Variants in AREL1 observed in about 807,000 individuals in gnomAD.
AREL1 encodes apoptosis-resistant E3 ubiquitin protein ligase 1.
AREL1 carries 62 observed loss-of-function variants against 99.0 expected under a neutral mutation model. The ratio of observed to expected loss-of-function variants is 0.63; its 90% CI spans 0.51 to 0.77. The LOEUF (loss-of-function observed/expected upper bound fraction) is 0.77. Among genes scored for constraint, AREL1 ranks in the 30% least tolerant of loss-of-function variants. The probability of loss-of-function intolerance (pLI) is 0.00; values close to 1 mark genes in which losing one functional copy is unlikely to be tolerated. For missense variants in AREL1, 879 were observed against 1,027.6 expected (o/e 0.86, Z 1.98); for synonymous variants, 380 against 376.5 (o/e 1.01, Z -0.11).
intron 1 of AREL1, chr14:74,711,914 T>C (rs1437932064): frequency 6.6e-6 from 1 of 151,620 alleles, no homozygotes; most frequent in African/African-American, 2.4e-5. Context: ...TCACCTTCTT[T>C]TTTAAACCTG....
chr14:74,670,314 AG>A (rs1566680346), intron 13 of AREL1, among the ~76,000 whole-genome samples, 188 bp from the exon 14 acceptor site: 1 of 152,206 alleles, frequency 6.6e-6, no homozygotes, highest in Non-Finnish European at 1.5e-5. Context: ...TAAAGGGCAA[AG>A]GTGGACATAA....
intron 1 of AREL1, among the ~76,000 whole-genome samples, chr14:74,695,079 T>C (rs1214844721): frequency 6.7e-6 from 1 of 150,194 alleles, no homozygotes; most frequent in Non-Finnish European, 1.5e-5. Context: ...CTTCTTTTTT[T>C]TTTTTTTTTT....
chr14:74,665,301 A>C (rs1445009798), intron 17 of AREL1, among the ~76,000 whole-genome samples: 6 of 142,664 alleles, frequency 4.2e-5, no homozygotes, highest in African/African-American at 1.6e-4. Flanking sequence ...ACGGAGTCTC[A>C]CTGTCTCGGC....
chr14:74,712,696 T>A (rs1231483847), intron 1 of AREL1, among the ~76,000 whole-genome samples: 2 of 151,688 alleles, frequency 1.3e-5, no homozygotes, highest in Admixed American at 6.6e-5. Context: ...AGAACAATCA[T>A]CCACCTAGCT....
Position 74,663,303 on chromosome 14 carries a change from T to G in AREL1, c.*417A>C. 4.0e-6 allele frequency: 1 copy of G among 249,526 alleles called. No homozygotes were observed. 15.5% of individuals were successfully genotyped at this position (249,526 alleles called of 1,614,324 possible). A position where few individuals can be genotyped will look rare whatever the true frequency, so the allele number is the denominator to read the frequency against. ...GGACTCAAGTACCAGTCTGGTCAAG[T>G]AGTGAGGGCCAAAGAGGGTGTCTCC... On this transcript the variant is annotated 3_prime_UTR_variant, in exon 20 of 20. Transcript: ENST00000356357.
intron 1 of AREL1, among the ~76,000 whole-genome samples, chr14:74,701,266 A>G (rs2090080236): frequency 6.6e-6 from 1 of 152,226 alleles, no homozygotes; most frequent in African/African-American, 2.4e-5. Flanking sequence ...CATGAAAAAA[A>G]AGATATATTA....
At chr14:74,679,664 T>C (rs768488831) in intron 5 of AREL1, among the ~76,000 whole-genome samples, 7 of 151,292 alleles carry the variant, frequency 4.6e-5, no homozygotes, top group Middle Eastern at 3.2e-3. Flanking sequence ...CCATCTCTAC[T>C]AAAAACACAA....
chr14:74,697,855 C>T (rs145102880), intron 1 of AREL1, among the ~76,000 whole-genome samples: 3 of 152,280 alleles, frequency 2.0e-5, no homozygotes, highest in African/African-American at 7.2e-5. Flanking sequence ...ATCTACTGTG[C>T]TGCCGTATTA....
chr14:74,678,393 G>C (rs1045239132), intron 5 of AREL1: 1 of 302,212 alleles, frequency 3.3e-6, no homozygotes, highest in Admixed American at 4.9e-5. Flanking sequence ...AGCTACTCGG[G>C]AGGTTGAGGC....
At position 74,672,955 on chromosome 14, in the gene AREL1, G is replaced by C. The variant is rs1380365764; in HGVS notation, c.1301-3C>G. On this transcript the variant is annotated splice_region_variant and splice_polypyrimidine_tract_variant and intron_variant, in intron 10 of 19. Coordinates refer to ENST00000356357, the MANE Select transcript of AREL1 (RefSeq NM_001039479.2). ...GTCCTGAAAGGTCTCAGAGCCTCCT[G>C]GGGAACAGCAAGATCCATCATTACA... 31 of 1,614,128 alleles carry C rather than the reference G, an allele frequency of 1.9e-5. No homozygotes were observed. Among genetic ancestry groups the C allele is most frequent in the Non-Finnish European group, 2.5e-5 (29 of 1,180,010 alleles).
At position 74,676,324 on chromosome 14, in the gene AREL1, A is replaced by G. The variant is rs200250433; in HGVS notation, c.652-3T>C. The G allele has an allele frequency of 3.9e-4, 634 of 1,613,754 alleles. No individual in the cohort carries two copies. The highest frequency in any genetic ancestry group is 3.6e-3 in the Middle Eastern group (22 of 6,056). On this transcript the variant is annotated splice_region_variant and splice_polypyrimidine_tract_variant and intron_variant, in intron 6 of 19. Coordinates refer to ENST00000356357, the MANE Select transcript of AREL1 (RefSeq NM_001039479.2). The stretch of plus-strand genomic sequence containing the variant: ...CTCTCTTCTTCTTGAGGGCCGAGCT[A>G]TAGGAAGGCAACAGAGCATCACTTA...
intron 5 of AREL1, among the ~76,000 whole-genome samples, chr14:74,683,038 G>A (rs2089665659): frequency 6.6e-6 from 1 of 152,194 alleles, no homozygotes; most frequent in African/African-American, 2.4e-5. Flanking sequence ...ATGAGTGGCT[G>A]CCTAGGTCTG....
In AREL1 at chr14:74,673,579, G is replaced by C. The variant is rs1488370834; in HGVS notation, c.1159-361C>G. Among the ~76,000 whole-genome samples, 6 of 152,318 alleles carry C rather than the reference G, an allele frequency of 3.9e-5. No homozygotes were observed. In the East Asian group the frequency reaches 1.2e-3, roughly 29 times the overall value. ...ATAAATGACTACTCCAAACTGATCAGAAGAAAACTATTTTTATAAAATGGC... is the reference window on the plus strand; with the variant it reads ...ATAAATGACTACTCCAAACTGATCACAAGAAAACTATTTTTATAAAATGGC... On this transcript the variant is annotated intron_variant, in intron 9 of 19. Transcript: ENST00000356357.
chr14:74,683,177 G>C, intron 5 of AREL1, 119 bp downstream of exon 5: 1 of 740,724 alleles, frequency 1.4e-6, no homozygotes, highest in Non-Finnish European at 2.2e-6. Context: ...TTAAAAGGAT[G>C]AATTTTATGG....
chr14:74,705,706 G>C (rs1164942938), intron 1 of AREL1, among the ~76,000 whole-genome samples: 1 of 152,188 alleles, frequency 6.6e-6, no homozygotes, highest in Non-Finnish European at 1.5e-5. Flanking sequence ...TAAAGGTTAA[G>C]CTAACCAAGA....
Position 74,672,736 on chromosome 14 carries a change from CAAACAA to C in AREL1, c.1422+89_1422+94del, listed in dbSNP as rs138398700. 2.2e-5 allele frequency: 34 copies of C among 1,550,842 alleles called. No individual in the cohort carries two copies. The East Asian group carries it at 2.7e-4, about 12-fold the overall frequency. ...GGCAATAGAGTGAGACCCTATCTCCCAAACAAAAACAAAAACAAAAACAGTAACCTG... is the reference window on the plus strand; with the variant it reads ...GGCAATAGAGTGAGACCCTATCTCCCAAACAAAAACAAAAACAGTAACCTG... On this transcript the variant is annotated intron_variant, in intron 11 of 19. Transcript: ENST00000356357.
At chr14:74,665,364 C>T (rs1181192414) in intron 17 of AREL1, among the ~76,000 whole-genome samples, 5 of 151,434 alleles carry the variant, frequency 3.3e-5, no homozygotes, top group Non-Finnish European at 5.9e-5. Context: ...TCTCCTGCCT[C>T]GGCCTCCTGA....
chr14:74,697,173 C>T (rs1256531715), intron 1 of AREL1, among the ~76,000 whole-genome samples: 1 of 151,918 alleles, frequency 6.6e-6, no homozygotes, highest in Non-Finnish European at 1.5e-5. Flanking sequence ...CACACACACA[C>T]ACAGCCATGA....
At chr14:74,705,145 T>A (rs538748441) in intron 1 of AREL1, among the ~76,000 whole-genome samples, 3 of 152,174 alleles carry the variant, frequency 2.0e-5, no homozygotes, top group South Asian at 4.2e-4. Context: ...GTTCAAGCGA[T>A]TCTCCTGCCT....
Sources: allele counts gnomAD v4.1 joint callset (sites outside exome capture counted in the v4.1 genomes callset), GRCh38; gene constraint gnomAD v4.1.1; transcripts MANE v1.5; gene names NCBI Gene and HGNC (gene_info 2026-07-23, HGNC 2026-07-21).